MAGI2: variants seen among roughly 807,000 people sequenced by gnomAD.
MAGI2 encodes membrane associated guanylate kinase, WW and PDZ domain containing 2, also known as membrane-associated guanylate kinase, WW and PDZ domain-containing protein 2.
MAGI2 carries 35 observed loss-of-function variants against 133.3 expected under a neutral mutation model. The observed-to-expected ratio is 0.26, with a 90% confidence interval of 0.20 to 0.35. MAGI2 has a LOEUF of 0.35. MAGI2 is among the 10% of genes least tolerant of loss of function. MAGI2 has a pLI of 1.00. For synonymous variants in MAGI2, 729 were observed against 710.6 expected (o/e 1.03, Z -0.41); for missense variants, 1,636 against 1,863.4 (o/e 0.88, Z 2.25).
intron 6 of MAGI2, among the ~76,000 whole-genome samples, chr7:78,411,354 TCTTA>T (rs1418377744): frequency 6.6e-6 from 1 of 152,042 alleles, no homozygotes; most frequent in African/African-American, 2.4e-5. Context: ...AACTGAGATT[TCTTA>T]CTTTATCTTT....
intron 3 of MAGI2, chr7:78,615,532 T>A (rs1159620296): frequency 2.0e-5 from 3 of 152,220 alleles, no homozygotes; most frequent in Non-Finnish European, 4.4e-5. Context: ...GAGAAATCTT[T>A]CTGTTCCTAT....
At chr7:79,032,060 T>C (rs1459257052) in intron 1 of MAGI2, among the ~76,000 whole-genome samples, 1 of 152,168 alleles carries the variant, frequency 6.6e-6, no homozygotes. Context: ...TCAGTTGAGC[T>C]ATATTTCATT....
At chr7:78,492,488 T>A (rs575583958) in intron 5 of MAGI2, among the ~76,000 whole-genome samples, 3 of 152,166 alleles carry the variant, frequency 2.0e-5, no homozygotes, top group Non-Finnish European at 4.4e-5. Flanking sequence ...GCAAAGAGGA[T>A]TATTTTTAAT....
intron 6 of MAGI2, among the ~76,000 whole-genome samples, chr7:78,412,750 AGTTT>A (rs1431431244): frequency 6.6e-6 from 1 of 152,088 alleles, no homozygotes; most frequent in African/African-American, 2.4e-5. Flanking sequence ...ATTTGAGAAC[AGTTT>A]GTTACCTGAG....
At chr7:78,274,691 C>A (rs560580770) in intron 9 of MAGI2, among the ~76,000 whole-genome samples, 1 of 152,064 alleles carries the variant, frequency 6.6e-6, no homozygotes, top group Non-Finnish European at 1.5e-5. Context: ...TGCTTAGCTG[C>A]GGTGGGCTCC....
At chr7:78,509,605 C>T (rs1030048462) in intron 4 of MAGI2, among the ~76,000 whole-genome samples, 1 of 152,160 alleles carries the variant, frequency 6.6e-6, no homozygotes, top group Non-Finnish European at 1.5e-5. Flanking sequence ...CAAAAATATG[C>T]ATGGCAGCCA....
chr7:78,727,888 C>G (rs560731075), intron 2 of MAGI2, among the ~76,000 whole-genome samples: 1 of 152,222 alleles, frequency 6.6e-6, no homozygotes, highest in Admixed American at 6.5e-5. Flanking sequence ...AAACCAAGTC[C>G]CTGCACACAA....
intron 2 of MAGI2, among the ~76,000 whole-genome samples, chr7:78,912,944 A>C (rs572180609): frequency 4.0e-4 from 61 of 151,654 alleles, no homozygotes; most frequent in Middle Eastern, 3.4e-3. Flanking sequence ...AGAAAGAGAG[A>C]TAGTTAAGCT....
chr7:79,106,257 A>G, intron 1 of MAGI2, among the ~76,000 whole-genome samples: 1 of 152,168 alleles, frequency 6.6e-6, no homozygotes, highest in Non-Finnish European at 1.5e-5. Flanking sequence ...AGAGAAGGAC[A>G]ATAGAGATAA....
At chr7:78,955,327 A>G (rs1285624680) in intron 2 of MAGI2, among the ~76,000 whole-genome samples, 1 of 152,114 alleles carries the variant, frequency 6.6e-6, no homozygotes, top group Non-Finnish European at 1.5e-5. Context: ...ACATATGTAT[A>G]TATATAAATA....
intron 1 of MAGI2, among the ~76,000 whole-genome samples, chr7:79,289,361 T>G (rs1300917598): frequency 6.6e-6 from 1 of 152,178 alleles, no homozygotes; most frequent in East Asian, 1.9e-4. Context: ...CTTACAGAAG[T>G]ATGACATTTT....
Position 78,194,881 on chromosome 7 carries a change from T to G in MAGI2, c.2262A>C (p.Glu754Asp). 1 of 1,601,506 alleles carries G rather than the reference T, an allele frequency of 6.2e-7. No homozygotes were observed. The highest frequency in any genetic ancestry group is 1.1e-5 in the South Asian group (1 of 88,898). The change falls in exon 12 of 22, where the codon GAA becomes GAC. Residue 754 changes from glutamate to aspartate, a missense_variant. Around this residue, in one of 5 missense-constraint regions of MAGI2, gnomAD observed 920 missense variants for 1,093.5 expected, o/e 0.84. Transcript: ENST00000354212. ...ELYEKSRAIY[E>D]SRQQVPPRTS... ...CATGTGGCTTTCACTTACGCCTACTTTCATAAATGGCCCTAGATTTCTCGT... is the reference window on the plus strand; with the variant it reads ...CATGTGGCTTTCACTTACGCCTACTGTCATAAATGGCCCTAGATTTCTCGT...
At chr7:78,032,898 G>T (rs1809738558) in intron 21 of MAGI2, among the ~76,000 whole-genome samples, 1 of 152,128 alleles carries the variant, frequency 6.6e-6, no homozygotes, top group East Asian at 1.9e-4. Context: ...AATGACAAGA[G>T]GACTGGGAGG....
At chr7:78,626,325 T>C (rs1033866689) in intron 3 of MAGI2, among the ~76,000 whole-genome samples, 1 of 152,208 alleles carries the variant, frequency 6.6e-6, no homozygotes, top group Non-Finnish European at 1.5e-5. Flanking sequence ...ATATAAATGT[T>C]ACCCAAATTG....
In MAGI2 at chr7:79,070,312, T is replaced by G. The variant is rs1814834115; in HGVS notation, c.302-63106A>C. 2.0e-5 allele frequency among the ~76,000 whole-genome samples: 3 copies of G among 151,928 alleles called. No homozygotes were observed. In the South Asian group the frequency reaches 6.2e-4, roughly 31 times the overall value. On this transcript the variant is annotated intron_variant, in intron 1 of 21. Coordinates refer to ENST00000354212, the MANE Select transcript of MAGI2 (RefSeq NM_012301.4). ...GGAGTCTTTGTTCATTTCTTTTCATTCTTTTTTCTCTAATCTTGTCTTCTC... is the reference window on the plus strand; with the variant it reads ...GGAGTCTTTGTTCATTTCTTTTCATGCTTTTTTCTCTAATCTTGTCTTCTC...
At chr7:78,083,964 A>G (rs1390863259) in intron 20 of MAGI2, among the ~76,000 whole-genome samples, 1 of 152,216 alleles carries the variant, frequency 6.6e-6, no homozygotes, top group Non-Finnish European at 1.5e-5. Flanking sequence ...TGAAATATTT[A>G]TAAGAATTAG....
chr7:79,021,994 G>T (rs1019950224), intron 1 of MAGI2, among the ~76,000 whole-genome samples: 16 of 152,058 alleles, frequency 1.1e-4, no homozygotes, highest in African/African-American at 3.9e-4. Flanking sequence ...GCTTCATAAG[G>T]GTTTCCCCCA....
intron 3 of MAGI2, among the ~76,000 whole-genome samples, chr7:78,588,351 T>A (rs868814050): frequency 6.6e-5 from 10 of 152,348 alleles, no homozygotes; most frequent in Middle Eastern, 3.4e-3. Context: ...AGGAGACAAT[T>A]TAATATAATT....
intron 21 of MAGI2, among the ~76,000 whole-genome samples, chr7:78,047,222 C>T (rs1194951869): frequency 6.6e-6 from 1 of 152,146 alleles, no homozygotes; most frequent in Non-Finnish European, 1.5e-5. Context: ...CAAATAAATT[C>T]TCCCTTGAAG....
Sources: gnomAD v4.1 joint callset for allele counts (sites outside exome capture counted in the v4.1 genomes callset) on GRCh38, gnomAD v4.1.1 for gene constraint, gnomAD v4.1.1 regional missense constraint, MANE v1.5 for transcripts, NCBI Gene and HGNC (gene_info 2026-07-23, HGNC 2026-07-21) for gene names.